Variants in ADH1C observed in about 807,000 individuals in gnomAD.
ADH1C encodes the protein alcohol dehydrogenase 1C (class I), gamma polypeptide, also known as alcohol dehydrogenase 1C.
Under a neutral mutation model 35.0 loss-of-function variants are expected in ADH1C, and 26 were observed. The observed-to-expected ratio is 0.74, with a 90% CI of 0.54 to 1.03. The LOEUF is 1.03. ADH1C is among the 50% of genes least tolerant of loss of function. ADH1C has a pLI of 0.00. For missense variants in ADH1C, 413 were observed against 465.4 expected (o/e 0.89, Z 1.04); for synonymous variants, 170 against 169.3 (o/e 1.00, Z -0.03).
At chr4:99,346,898 T>A (rs767140954) in intron 3 of ADH1C, 108 bp downstream of exon 3, 48 of 1,519,230 alleles carry the variant, frequency 3.2e-5, no homozygotes, top group Middle Eastern at 4.9e-4. Context: ...AGCTTCCCTG[T>A]GACCTTGTGC....
intron 1 of ADH1C, among the ~76,000 whole-genome samples, chr4:99,351,330 G>A (rs1032572584): frequency 1.3e-5 from 2 of 152,110 alleles, no homozygotes; most frequent in Non-Finnish European, 1.5e-5. Context: ...TTATGAAATA[G>A]ACATTAGTAT....
intron 5 of ADH1C, 64 bp from the exon 6 acceptor site, chr4:99,343,119 T>C (rs533562839): frequency 1.9e-6 from 3 of 1,577,058 alleles, no homozygotes; most frequent in Non-Finnish European, 2.6e-6. Flanking sequence ...TTAAGCTTTA[T>C]AAAGTGCCAT....
At chr4:99,343,171 A>G in intron 5 of ADH1C, 116 bp from the exon 6 acceptor site, 11 of 1,425,938 alleles carry the variant, frequency 7.7e-6, no homozygotes, top group Non-Finnish European at 9.5e-6. Context: ...CTTCTGTCCA[A>G]TCTGTTATCG....
Position 99,338,418 on chromosome 4 carries a change from TATATATATATATATATATATATATATAC to T in ADH1C, c.1103+1131_1103+1158del, listed in dbSNP as rs1469543791. ...TTCTATATATATATATATATATATA[TATATATATATATATATATATATATATAC>T]ACACTCTTGAGGGGTGGTGTGGTTT... is the stretch of plus-strand genomic sequence containing the variant. On this transcript the variant is annotated intron_variant, in intron 8 of 8. Transcript: ENST00000515683. Among the ~76,000 whole-genome samples, 94 of 66,222 alleles carry T rather than the reference TATATATATATATATATATATATATATAC, an allele frequency of 1.4e-3. 3 individuals are homozygous for T. The highest frequency in any genetic ancestry group is 0.013 in the East Asian group (20 of 1,556). The allele number at this position is 66,222 out of a possible 152,430, so 43.4% of individuals were successfully genotyped here.
At chr4:99,343,163 T>C in intron 5 of ADH1C, 108 bp from the exon 6 acceptor site, 1 of 1,443,998 alleles carries the variant, frequency 6.9e-7, no homozygotes, top group Non-Finnish European at 9.3e-7. Context: ...CTCAGACTCT[T>C]CTGTCCAATC....
Position 99,343,074 on chromosome 4 carries a change from C to A in ADH1C, c.568-19G>T. The A allele has an allele frequency of 6.2e-7, 1 of 1,601,254 alleles. No individual in the cohort carries two copies. ...GGGTGACCTATGTTTTCAGAAAATG[C>A]AAAAATGAATTAAATAATGTTTGTT... On this transcript the variant is annotated intron_variant, in intron 5 of 8. Coordinates refer to ENST00000515683, the MANE Select transcript of ADH1C (RefSeq NM_000669.5).
intron 8 of ADH1C, among the ~76,000 whole-genome samples, chr4:99,337,065 C>T (rs1734295276): frequency 6.6e-6 from 1 of 152,172 alleles, no homozygotes; most frequent in Admixed American, 6.5e-5. Flanking sequence ...TTGGCGTGCC[C>T]AAGTTCCTGG....
chr4:99,339,510 ACGCCCCCCCCC>A, intron 8 of ADH1C, 56 bp downstream of exon 8: 6 of 894,268 alleles, frequency 6.7e-6, no homozygotes, highest in Non-Finnish European at 9.1e-6. Flanking sequence ...CTGCTAGACA[ACGCCCCCCCCC>A]CCCCCGCCGC....
intron 1 of ADH1C, 85 bp from the exon 2 acceptor site, chr4:99,347,931 C>T: frequency 2.7e-6 from 4 of 1,456,924 alleles, no homozygotes; most frequent in Non-Finnish European, 2.9e-6. Flanking sequence ...GTACATGCAA[C>T]ATTGAGTCCC....
intron 1 of ADH1C, 27 bp downstream of exon 1, chr4:99,352,631 A>G: frequency 2.5e-6 from 4 of 1,579,728 alleles, no homozygotes; most frequent in Non-Finnish European, 3.5e-6. Context: ...AGAATATATT[A>G]TCAACAGTAA....
intron 8 of ADH1C, 105 bp from the exon 9 acceptor site, chr4:99,336,881 T>C (rs1044268469): frequency 9.3e-6 from 14 of 1,504,014 alleles, no homozygotes; most frequent in Non-Finnish European, 1.3e-5. Flanking sequence ...AATCTCTCTG[T>C]GTTCTCAGCC....
chr4:99,345,871 T>A (rs1248625888), intron 3 of ADH1C, among the ~76,000 whole-genome samples: 2 of 152,168 alleles, frequency 1.3e-5, no homozygotes, highest in Non-Finnish European at 2.9e-5. Context: ...CGTCTGAAAA[T>A]TTCTACCTTC....
Position 99,352,703 on chromosome 4 carries a change from G to C in ADH1C, c.-28C>G, listed in dbSNP as rs761285856. The C allele has an allele frequency of 2.5e-6, 4 of 1,612,272 alleles. No homozygotes were observed. Among genetic ancestry groups the C allele is most frequent in the Non-Finnish European group, 3.4e-6 (4 of 1,178,722 alleles). ...TGATTCTGTCTTCTCTGCAGACCAG[G>C]AGGCTGGTGAGTACTTGTGGATTTC... On this transcript the variant is annotated 5_prime_UTR_variant, in exon 1 of 9. Transcript: ENST00000515683.
In ADH1C at chr4:99,337,892, A is replaced by C. The variant is rs925026965; in HGVS notation, c.1104-1116T>G. On this transcript the variant is annotated intron_variant, in intron 8 of 8. Transcript: ENST00000515683. ...TTTTTCATTTCTAACAGTTGCTTAGAATTTATTAAATCATATTCTTAATGT... is the reference window on the plus strand; with the variant it reads ...TTTTTCATTTCTAACAGTTGCTTAGCATTTATTAAATCATATTCTTAATGT... Among the ~76,000 whole-genome samples the C allele has an allele frequency of 6.6e-5, 10 of 152,066 alleles. No individual in the cohort carries two copies. The East Asian group carries it at 7.7e-4, about 12-fold the overall frequency.
Position 99,336,671 on chromosome 4 carries a change from T to C in ADH1C, c.*81A>G. The C allele has an allele frequency of 1.3e-6, 2 of 1,513,016 alleles. No homozygotes were observed. The highest frequency in any genetic ancestry group is 1.8e-6 in the Non-Finnish European group (2 of 1,089,380). 93.7% of individuals were successfully genotyped at this position (1,513,016 alleles called of 1,614,324 possible). ...TAACATCTCTGAAGAGCAGAATTAA[T>C]GATATTTCCTAGCTGTTGCTCCAGA... is the stretch of plus-strand genomic sequence containing the variant. On this transcript the variant is annotated 3_prime_UTR_variant, in exon 9 of 9. Coordinates refer to ENST00000515683, the MANE Select transcript of ADH1C (RefSeq NM_000669.5).
chr4:99,347,203 T>G, intron 2 of ADH1C, 59 bp from the exon 3 acceptor site: 1 of 1,552,708 alleles, frequency 6.4e-7, no homozygotes, highest in East Asian at 2.3e-5. Context: ...CAGATGGACT[T>G]AACAAACCCA....
intron 1 of ADH1C, among the ~76,000 whole-genome samples, chr4:99,349,788 G>A (rs553513619): frequency 2.1e-5 from 3 of 142,184 alleles, no homozygotes; most frequent in Non-Finnish European, 3.2e-5. Context: ...TAGAGTTGGT[G>A]TTGTGTATGT....
rs1285231075 is a variant in ADH1C at position 99,343,029 on chromosome 4, C to G, written c.594G>C (p.Val198=). The G allele has an allele frequency of 6.2e-7, 1 of 1,614,054 alleles. No homozygotes were observed. Among genetic ancestry groups the G allele is most frequent in the African/African-American group, 1.3e-5 (1 of 74,918 alleles). Residue 198 remains valine (V), a synonymous_variant, in exon 6 of 9, where the codon GTG becomes GTC. Transcript: ENST00000515683. ...ATAGGCCGACCCCTCCCAGGCCAAA[C>G]ACAGCACAGGTAGACCCTGGGGTGA... ...AKVTPGSTCA[V]FGLGGVGLSV...
intron 5 of ADH1C, 131 bp downstream of exon 5, chr4:99,344,731 G>A (rs1032339933): frequency 6.0e-6 from 7 of 1,165,654 alleles, no homozygotes; most frequent in Admixed American, 2.6e-5. Flanking sequence ...GTTCTTTCTG[G>A]GTCATTTTTC....
Sources: gnomAD v4.1 joint callset for allele counts (sites outside exome capture counted in the v4.1 genomes callset) on GRCh38, gnomAD v4.1.1 for gene constraint, MANE v1.5 for transcripts, NCBI Gene and HGNC (gene_info 2026-07-23, HGNC 2026-07-21) for gene names.